Variants in FAAH2 observed in about 807,000 individuals in gnomAD.
FAAH2 encodes the protein fatty acid amide hydrolase 2, also known as fatty-acid amide hydrolase 2.
In FAAH2, 60 loss-of-function variants were observed where a neutral mutation model predicts 36.9. The ratio of observed to expected loss-of-function variants is 1.63; its 90% CI spans 1.32 to 2.02. The LOEUF (loss-of-function observed/expected upper bound fraction) is 2.02. Ranked by LOEUF, FAAH2 falls within the 30% of genes most tolerant of loss-of-function variation. The probability of loss-of-function intolerance (pLI) is 0.00; values close to 1 mark genes in which losing one functional copy is unlikely to be tolerated. For synonymous variants in FAAH2, 214 were observed against 143.8 expected (o/e 1.49, Z -3.49); for missense variants, 689 against 397.5 (o/e 1.73, Z -6.23).
chrX:57,322,040 A>AT lies in FAAH2; in HGVS notation c.413-9544dup, dbSNP rs144117570. Among the ~76,000 whole-genome samples the AT allele has an allele frequency of 7.8e-3, 761 of 98,078 alleles. 4 individuals carry two copies. Among genetic ancestry groups the AT allele is most frequent in the Non-Finnish European group, 8.5e-3 (410 of 48,020 alleles). The allele number at this position is 98,078 out of a possible 115,157, so 85.2% of individuals were successfully genotyped here. A position where few individuals can be genotyped will look rare whatever the true frequency, so the allele number is the denominator to read the frequency against. ...GGCTGAACATGAAACTCCAGATTGC[A>AT]TTTTTTTTTTTTTTGAGACGGAGTC... is the stretch of plus-strand genomic sequence containing the variant. On this transcript the variant is annotated intron_variant, in intron 3 of 10. Coordinates refer to ENST00000374900, the MANE Select transcript of FAAH2 (RefSeq NM_174912.4).
intron 7 of FAAH2, among the ~76,000 whole-genome samples, chrX:57,420,850 T>A (rs1321257223): frequency 9.0e-6 from 1 of 111,530 alleles, no homozygotes; most frequent in Non-Finnish European, 1.9e-5. Context: ...TGATATTGGC[T>A]ATTGGTTTGT....
intron 5 of FAAH2, among the ~76,000 whole-genome samples, chrX:57,367,391 A>T (rs185619343): frequency 8.9e-6 from 1 of 112,495 alleles, no homozygotes; most frequent in Non-Finnish European, 1.9e-5. Flanking sequence ...ACTAAATTGC[A>T]CTGCTAGTCA....
the FAAH2 span, among the ~76,000 whole-genome samples, chrX:57,181,822 A>G: frequency 8.9e-6 from 1 of 112,088 alleles, no homozygotes; most frequent in Non-Finnish European, 1.9e-5. Context: ...ACCCAACTTC[A>G]AACTATACTA....
the FAAH2 span, among the ~76,000 whole-genome samples, chrX:57,184,589 G>A: frequency 8.9e-6 from 1 of 112,651 alleles, no homozygotes; most frequent in South Asian, 3.6e-4. Flanking sequence ...ACAGAAATTT[G>A]ACAACCTAAA....
intron 3 of FAAH2, among the ~76,000 whole-genome samples, chrX:57,331,295 A>G (rs142530752): frequency 1.9e-4 from 21 of 111,127 alleles, no homozygotes; most frequent in Admixed American, 1.2e-3. Context: ...TTGCTCCTTG[A>G]CTGTTCAACT....
chrX:57,461,848 A>G (rs1311331515), intron 10 of FAAH2, among the ~76,000 whole-genome samples: 1 of 110,674 alleles, frequency 9.0e-6, no homozygotes, highest in Non-Finnish European at 1.9e-5. Flanking sequence ...AAAAAAATCA[A>G]TGAATACAGG....
intron 10 of FAAH2, among the ~76,000 whole-genome samples, chrX:57,474,634 G>A (rs1212811798): frequency 8.9e-6 from 1 of 111,759 alleles, no homozygotes; most frequent in Non-Finnish European, 1.9e-5. Context: ...TTAGTTCCAA[G>A]TCTTTGCTAT....
chrX:57,368,891 A>T (rs930030991), intron 5 of FAAH2, among the ~76,000 whole-genome samples: 5 of 110,474 alleles, frequency 4.5e-5, no homozygotes, highest in African/African-American at 6.6e-5. Context: ...GAAATTTCTA[A>T]TTTTTTTTAA....
At chrX:57,249,197 G>A in the FAAH2 span, among the ~76,000 whole-genome samples, 1 of 111,636 alleles carries the variant, frequency 9.0e-6, no homozygotes, top group Non-Finnish European at 1.9e-5. Flanking sequence ...TATTGTGGCA[G>A]GCCAGGTCTC....
the FAAH2 span, among the ~76,000 whole-genome samples, chrX:57,191,797 T>C: frequency 8.9e-6 from 1 of 112,204 alleles, no homozygotes; most frequent in East Asian, 2.8e-4. Context: ...TTACTCTAGC[T>C]GAATGGATTT....
upstream of FAAH2, among the ~76,000 whole-genome samples, chrX:57,281,908 T>C (rs1182281747): frequency 8.9e-6 from 1 of 112,317 alleles, no homozygotes; most frequent in Admixed American, 9.5e-5. Flanking sequence ...CTCATTCCTG[T>C]TTATGGCTGT....
At chrX:57,365,496 T>G (rs1382595877) in intron 5 of FAAH2, among the ~76,000 whole-genome samples, 1 of 111,887 alleles carries the variant, frequency 8.9e-6, no homozygotes, top group Non-Finnish European at 1.9e-5. Context: ...ACATATTTTC[T>G]TTCACATTGA....
the FAAH2 span, among the ~76,000 whole-genome samples, chrX:57,259,722 A>T: frequency 4.5e-5 from 5 of 112,076 alleles, no homozygotes; most frequent in Admixed American, 1.9e-4. Context: ...GAGGTGATGG[A>T]TATATTAATT....
intron 2 of FAAH2, among the ~76,000 whole-genome samples, chrX:57,300,698 T>C (rs2052330928): frequency 9.0e-6 from 1 of 111,698 alleles, no homozygotes; most frequent in Non-Finnish European, 1.9e-5. Flanking sequence ...GAAAATTTTT[T>C]GCAACCTACT....
At chrX:57,188,354 G>T in the FAAH2 span, among the ~76,000 whole-genome samples, 4 of 111,409 alleles carry the variant, frequency 3.6e-5, no homozygotes, top group African/African-American at 1.3e-4. Context: ...GCATATAGGT[G>T]TTTATACTAT....
the FAAH2 span, among the ~76,000 whole-genome samples, chrX:57,150,937 C>G: frequency 1.8e-5 from 2 of 112,067 alleles, no homozygotes; most frequent in Non-Finnish European, 3.8e-5. Context: ...CCTTCAGGAG[C>G]TCTTTTAGGG....
chrX:57,433,993 G>T (rs1323073445), intron 8 of FAAH2, among the ~76,000 whole-genome samples: 1 of 110,551 alleles, frequency 9.0e-6, no homozygotes, highest in Non-Finnish European at 1.9e-5. Context: ...TAATTCTTCA[G>T]CAATAGACTC....
chrX:57,175,211 T>C, the FAAH2 span, among the ~76,000 whole-genome samples: 1 of 111,751 alleles, frequency 8.9e-6, no homozygotes, highest in African/African-American at 3.2e-5. Context: ...GTCTATCTCT[T>C]TTCTTAGGTC....
chrX:57,469,420 G>T (rs1182693251), intron 10 of FAAH2, among the ~76,000 whole-genome samples: 1 of 110,465 alleles, frequency 9.1e-6, no homozygotes, highest in Non-Finnish European at 1.9e-5. Context: ...CAAGCAAATG[G>T]AAAACAAAAA....
Sources: gnomAD v4.1 joint callset for allele counts (sites outside exome capture counted in the v4.1 genomes callset) on GRCh38, gnomAD v4.1.1 for gene constraint, MANE v1.5 for transcripts, NCBI Gene and HGNC (gene_info 2026-07-23, HGNC 2026-07-21) for gene names.